NECTIN1: variants seen among roughly 807,000 people sequenced by gnomAD.
NECTIN1 encodes the protein nectin cell adhesion molecule 1, also known as nectin-1.
NECTIN1 carries 23 observed loss-of-function variants against 48.0 expected under a neutral mutation model. That is an observed-to-expected ratio of 0.48 (90% CI 0.34 to 0.68). NECTIN1 has a LOEUF of 0.68. Ranked by LOEUF, NECTIN1 falls within the 30% of genes least tolerant of loss-of-function variation. The pLI is 0.01. For synonymous variants in NECTIN1, 270 were observed against 288.9 expected, an observed-to-expected ratio of 0.93 and a Z score of 0.66; for missense variants, 591 against 709.9, an observed-to-expected ratio of 0.83 and a Z score of 1.90.
chr11:119,665,634 C>T lies in NECTIN1; in HGVS notation c.1004-337G>A, dbSNP rs1014786348. ...GAGACACGTGTGCCAGTTCCAGCTG[C>T]AGCACACTGCCCACTCCATGCCATT... On this transcript the variant is annotated intron_variant, in intron 5 of 5. Coordinates refer to ENST00000264025, the MANE Select transcript of NECTIN1 (RefSeq NM_002855.5). The surrounding 1 kb of genome is among the most constrained non-coding windows in gnomAD (Gnocchi z 5.1). Among the ~76,000 whole-genome samples the T allele has an allele frequency of 6.6e-6, 1 of 152,194 alleles. No individual in the cohort carries two copies. Among genetic ancestry groups the T allele is most frequent in the Non-Finnish European group, 1.5e-5 (1 of 68,034 alleles).
At chr11:119,728,205 T>A (rs910809157) in intron 1 of NECTIN1, among the ~76,000 whole-genome samples, 2 of 152,230 alleles carry the variant, frequency 1.3e-5, no homozygotes, top group Non-Finnish European at 2.9e-5. Context: ...AGAACGCTAT[T>A]ACATATTATT....
In NECTIN1 at chr11:119,729,168, T is replaced by C. The variant is rs992087653; in HGVS notation, c.-615A>G. The C allele has an allele frequency of 5.9e-5, 9 of 151,932 alleles. No homozygotes were observed. The highest frequency in any genetic ancestry group is 1.9e-4 in the East Asian group (1 of 5,164). 9.4% of individuals were successfully genotyped at this position (151,932 alleles called of 1,614,324 possible). A position where few individuals can be genotyped will look rare whatever the true frequency, so the allele number is the denominator to read the frequency against. On this transcript the variant is annotated 5_prime_UTR_variant, in exon 1 of 6. Transcript: ENST00000264025. ...GCCGGGTGCCGGCGATCCGCAACAA[T>C]GTGGAGCCGCGCTCGCTGCTCTCGC... is the stretch of plus-strand genomic sequence containing the variant.
At position 119,661,465 on chromosome 11, in the gene NECTIN1, T is replaced by C; in HGVS notation, c.*3282A>G. The C allele has an allele frequency of 1.0e-6, 1 of 985,856 alleles. No homozygotes were observed. The highest frequency in any genetic ancestry group is 1.2e-6 in the Non-Finnish European group (1 of 829,984). The allele number at this position is 985,856 out of a possible 1,614,324, so 61.1% of individuals were successfully genotyped here. A position where few individuals can be genotyped will look rare whatever the true frequency, so the allele number is the denominator to read the frequency against. On this transcript the variant is annotated 3_prime_UTR_variant, in exon 6 of 6. Transcript: ENST00000264025. Reference sequence around the variant, plus strand: ...TGGGGCACACCCACCTGCCCCTCACTAGGAGAGGGTTTCTGTTGGCAGTCA... The same window carrying C: ...TGGGGCACACCCACCTGCCCCTCACCAGGAGAGGGTTTCTGTTGGCAGTCA...
At chr11:119,720,582 T>C (rs1865811489) in intron 1 of NECTIN1, among the ~76,000 whole-genome samples, 1 of 152,276 alleles carries the variant, frequency 6.6e-6, no homozygotes, top group Non-Finnish European at 1.5e-5. Context: ...GGTGCTCATT[T>C]TCCTTCACAA....
intron 5 of NECTIN1, among the ~76,000 whole-genome samples, chr11:119,648,342 GAT>G (rs1292793489): frequency 6.1e-4 from 14 of 22,920 alleles, no homozygotes; most frequent in Non-Finnish European, 6.1e-4. Context: ...TGGTGGTGGT[GAT>G]GCTGGTGGTG....
intron 7 of NECTIN1, chr11:119,638,669 A>ATCTCCCATTTT: frequency 9.0e-6 from 13 of 1,448,564 alleles, no homozygotes; most frequent in Non-Finnish European, 1.2e-5. Flanking sequence ...CCTTGGGGCC[A>ATCTCCCATTTT]TCTCCCATTT....
rs1565376549 is a variant in NECTIN1 at position 119,648,307 on chromosome 11, ATGG to A, written c.1004-8298_1004-8296del. 2.4e-3 allele frequency among the ~76,000 whole-genome samples: 25 copies of A among 10,418 alleles called. 1 individual carries two copies. The highest frequency in any genetic ancestry group is 6.9e-3 in the African/African-American group (16 of 2,312). The allele number at this position is 10,418 out of a possible 152,430, so 6.8% of individuals were successfully genotyped here. On this transcript the variant is annotated intron_variant, in intron 5 of 7. Coordinates refer to the NECTIN1 transcript ENST00000341398. ...GGTGGTGATGGTGGTGGTGGTGGTGATGGTGGTGATGGTGATGGTGGTGATGGT... is the reference window on the plus strand; with the variant it reads ...GGTGGTGATGGTGGTGGTGGTGGTGATGGTGATGGTGATGGTGGTGATGGT...
chr11:119,700,267 G>C (rs1356162385), intron 1 of NECTIN1, among the ~76,000 whole-genome samples: 3 of 152,184 alleles, frequency 2.0e-5, no homozygotes, highest in Non-Finnish European at 2.9e-5. Flanking sequence ...CTGGAAGGTT[G>C]CCCGTTCTTG....
rs369709369 is a variant in NECTIN1 at position 119,664,487 on chromosome 11, G to C, written c.*260C>G. The C allele has an allele frequency of 6.8e-6, 9 of 1,330,538 alleles. No individual in the cohort carries two copies. The highest frequency in any genetic ancestry group is 1.5e-5 in the African/African-American group (1 of 67,990). 82.4% of individuals were successfully genotyped at this position (1,330,538 alleles called of 1,614,324 possible). Reference sequence around the variant, plus strand: ...CACAGAGGGCAGGCAGGTGGGGCCCGTAAAGGGAAGATACAGTAACACTAA... The same window carrying C: ...CACAGAGGGCAGGCAGGTGGGGCCCCTAAAGGGAAGATACAGTAACACTAA... On this transcript the variant is annotated 3_prime_UTR_variant, in exon 6 of 6. Transcript: ENST00000264025.
chr11:119,653,042 T>C (rs1171768917), intron 5 of NECTIN1, among the ~76,000 whole-genome samples: 3 of 152,164 alleles, frequency 2.0e-5, no homozygotes, highest in Non-Finnish European at 4.4e-5. Context: ...ATTCTATGAA[T>C]AGAATAGACT....
chr11:119,720,493 G>A (rs1248774578), intron 1 of NECTIN1, among the ~76,000 whole-genome samples: 1 of 152,282 alleles, frequency 6.6e-6, no homozygotes, highest in Non-Finnish European at 1.5e-5. Flanking sequence ...ACCTGCGAAA[G>A]CGTGGGCTGA....
At chr11:119,712,277 C>T (rs1865663590) in intron 1 of NECTIN1, among the ~76,000 whole-genome samples, 1 of 149,804 alleles carries the variant, frequency 6.7e-6, no homozygotes, top group Non-Finnish European at 1.5e-5. Flanking sequence ...CGTCCCAGCC[C>T]ACTCCTTCTC....
At chr11:119,718,383 A>C (rs1015848421) in intron 1 of NECTIN1, among the ~76,000 whole-genome samples, 3 of 152,176 alleles carry the variant, frequency 2.0e-5, no homozygotes, top group Non-Finnish European at 4.4e-5. Context: ...CAGAGGAAGC[A>C]CCAGCCCTTT....
chr11:119,688,445 G>A (rs1430973989), intron 1 of NECTIN1, among the ~76,000 whole-genome samples: 1 of 151,806 alleles, frequency 6.6e-6, no homozygotes, highest in Non-Finnish European at 1.5e-5. Context: ...TTTGGAGGGG[G>A]GGACTGTCCT....
chr11:119,639,818 G>C (rs745988281), intron 6 of NECTIN1: 9 of 1,613,366 alleles, frequency 5.6e-6, no homozygotes, highest in Admixed American at 5.0e-5. Flanking sequence ...AGGGTGCTGG[G>C]GAGCAGACCA....
intron 1 of NECTIN1, among the ~76,000 whole-genome samples, chr11:119,692,519 A>G (rs1268117286): frequency 6.6e-6 from 1 of 152,224 alleles, no homozygotes; most frequent in Non-Finnish European, 1.5e-5. Flanking sequence ...TAGCAGCAGC[A>G]GAAGCTGGGG....
intron 1 of NECTIN1, among the ~76,000 whole-genome samples, chr11:119,688,961 C>T (rs988087787): frequency 1.3e-5 from 2 of 151,320 alleles, no homozygotes; most frequent in Non-Finnish European, 1.5e-5. Context: ...AGGGGACATG[C>T]GGTGGGGTGT....
rs533302755 is a variant in NECTIN1, at chr11:119,714,436, T to C, written c.79+14039A>G. Among the ~76,000 whole-genome samples the C allele has an allele frequency of 1.4e-3, 213 of 152,250 alleles. 2 individuals are homozygous for C. The highest frequency in any genetic ancestry group is 5.3e-4 in the Non-Finnish European group (36 of 68,002). On this transcript the variant is annotated intron_variant, in intron 1 of 5. Transcript: ENST00000264025. ...CCCCACCTGCAGGATCCCTGTGATG[T>C]ACCTCCTTCCACGAGTCACCACACC... is the stretch of plus-strand genomic sequence containing the variant.
At chr11:119,657,739 A>AAATTAAT (rs1864597393), downstream of NECTIN1, among the ~76,000 whole-genome samples, 1 of 128,298 alleles carries the variant, frequency 7.8e-6, no homozygotes, top group Non-Finnish European at 1.6e-5. Flanking sequence ...TGTCTCTATA[A>AAATTAAT]AATAATAATA....
Sources: gnomAD v4.1 joint callset for allele counts (sites outside exome capture counted in the v4.1 genomes callset) on GRCh38, gnomAD v4.1.1 for gene constraint, Gnocchi (gnomAD v3.1) non-coding constraint, MANE v1.5 for transcripts, NCBI Gene and HGNC (gene_info 2026-07-23, HGNC 2026-07-21) for gene names.